SLITRK1: variants seen among roughly 807,000 people sequenced by gnomAD.
SLITRK1 encodes the protein SLIT and NTRK-like protein 1.
A neutral mutation model predicts 42.4 loss-of-function variants in SLITRK1; 10 were observed. That is an observed-to-expected ratio of 0.24 (90% confidence interval 0.15 to 0.40). The LOEUF (loss-of-function observed/expected upper bound fraction) is 0.40. Among genes scored for constraint, SLITRK1 ranks in the 10% least tolerant of loss-of-function variants. SLITRK1 has a pLI of 1.00. For synonymous variants in SLITRK1, 389 were observed against 365.7 expected, an observed-to-expected ratio of 1.06 and a Z score of -0.73; for missense variants, 778 against 848.8, an observed-to-expected ratio of 0.92 and a Z score of 1.04.
Position 83,880,936 on chromosome 13 carries a change from G to T in SLITRK1, c.572C>A (p.Thr191Lys), listed in dbSNP as rs778746061. 1 of 1,613,928 alleles carries T rather than the reference G, an allele frequency of 6.2e-7. No individual in the cohort carries two copies. Reference sequence around the variant, plus strand: ...CTCCAAGACCTCCTCATAGGGCAGCGTTTTCAGCCTGTTACCCCGGAGGTC... The same window carrying T: ...CTCCAAGACCTCCTCATAGGGCAGCTTTTTCAGCCTGTTACCCCGGAGGTC... ...HLDLRGNRLK[T>K]LPYEEVLEQI... The change falls in exon 2 of 2, where the codon ACG (threonine) becomes AAG (lysine). Residue 191 changes from threonine to lysine, a missense_variant. Transcript: ENST00000674365.
In SLITRK1 at chr13:83,879,623, C is replaced by A; in HGVS notation, c.1885G>T (p.Val629Phe). ...VLVPGLLLVF[V>F]TSAFTVVGML... ...CCCACCACGGTGAAGGCGGAGGTGA[C>A]AAACACCAGCAGCAGTCCCGGGACC... Residue 629 changes from valine (V) to phenylalanine (F), a missense_variant, in exon 2 of 2, where the codon GTC becomes TTC. Val to Phe is a conservative substitution (Grantham distance 50). This residue lies in a region of SLITRK1 where 164 missense variants were observed against 158.2 expected (regional missense o/e 1.04). Transcript: ENST00000674365. The A allele has an allele frequency of 6.2e-7, 1 of 1,613,992 alleles. No homozygotes were observed. Among genetic ancestry groups the A allele is most frequent in the Non-Finnish European group, 8.5e-7 (1 of 1,180,008 alleles).
At position 83,877,293 on chromosome 13, in the gene SLITRK1, C is replaced by A. The variant is rs987611212; in HGVS notation, c.*2124G>T. 6.6e-6 allele frequency: 1 copy of A among 152,034 alleles called. No individual in the cohort carries two copies. The highest frequency in any genetic ancestry group is 2.4e-5 in the African/African-American group (1 of 41,386). 9.4% of individuals were successfully genotyped at this position (152,034 alleles called of 1,614,324 possible). A position where few individuals can be genotyped will look rare whatever the true frequency, so the allele number is the denominator to read the frequency against. On this transcript the variant is annotated 3_prime_UTR_variant, in exon 2 of 2. Transcript: ENST00000674365. ...ATCACTGTTCTGAGAAATCACTTCC[C>A]TTTAGAATATGAGTTCTAGATGGCA...
rs1408858140 is a variant in SLITRK1 at position 83,882,423 on chromosome 13, G to C, written c.-473C>G. 1.3e-5 allele frequency: 2 copies of C among 151,974 alleles called. No homozygotes were observed. The highest frequency in any genetic ancestry group is 2.9e-5 in the Non-Finnish European group (2 of 68,074). The allele number at this position is 151,974 out of a possible 1,614,324, so 9.4% of individuals were successfully genotyped here. A position where few individuals can be genotyped will look rare whatever the true frequency, so the allele number is the denominator to read the frequency against. On this transcript the variant is annotated 5_prime_UTR_variant, in exon 1 of 2. Transcript: ENST00000674365. ...TGAGGGGAGGGGGGCGGAGAAGAGA[G>C]TTGCTAAGAAGCTCTGCTCGTTCCA...
chr13:83,880,878 C>G lies in SLITRK1; in HGVS notation c.630G>C (p.Glu210Asp). The G allele has an allele frequency of 6.2e-7, 1 of 1,614,098 alleles. No individual in the cohort carries two copies. The highest frequency in any genetic ancestry group is 1.3e-5 in the African/African-American group (1 of 75,004). The change falls in exon 2 of 2, where the codon GAG (glutamate) becomes GAC (aspartate). Residue 210 changes from glutamate (E) to aspartate (D), a missense_variant. Coordinates refer to ENST00000674365, the MANE Select transcript of SLITRK1 (RefSeq NM_001281503.2). ...CACAGGTGCAGTCCCAAGGGTTATCCTCTAGCAGGATCTCCGCAATACCAG... is the reference window on the plus strand; with the variant it reads ...CACAGGTGCAGTCCCAAGGGTTATCGTCTAGCAGGATCTCCGCAATACCAG... ...QIPGIAEILL[E>D]DNPWDCTCDL...
At position 83,877,538 on chromosome 13, in the gene SLITRK1, A is replaced by T. The variant is rs1278002735; in HGVS notation, c.*1879T>A. 2 of 152,216 alleles carry T rather than the reference A, an allele frequency of 1.3e-5. No homozygotes were observed. The highest frequency in any genetic ancestry group is 3.9e-4 in the East Asian group (2 of 5,190). 9.4% of individuals were successfully genotyped at this position (152,216 alleles called of 1,614,324 possible). A position where few individuals can be genotyped will look rare whatever the true frequency, so the allele number is the denominator to read the frequency against. On this transcript the variant is annotated 3_prime_UTR_variant, in exon 2 of 2. Coordinates refer to ENST00000674365, the MANE Select transcript of SLITRK1 (RefSeq NM_001281503.2). ...ATTGAGGCCAGAGTTACATTGGTTCATAAAATTCGAACAGTTGAAGCTGTT... is the reference window on the plus strand; with the variant it reads ...ATTGAGGCCAGAGTTACATTGGTTCTTAAAATTCGAACAGTTGAAGCTGTT...
rs1403550253 is a variant in SLITRK1 at position 83,881,057 on chromosome 13, G to T, written c.451C>A (p.Gln151Lys). ...LLRDIDPGAF[Q>K]DLNKLEVLIL... ...AGCACCTCCAGCTTGTTCAAGTCCT[G>T]GAAGGCCCCCGGGTCTATATCTCGT... Residue 151 changes from glutamine (Q) to lysine (K), a missense_variant, in exon 2 of 2, where the codon CAG becomes AAG. Gln to Lys is a moderately conservative substitution (Grantham distance 53). Around this residue, in one of 4 missense-constraint regions of SLITRK1, gnomAD observed 204 missense variants for 295.3 expected, o/e 0.69. Coordinates refer to ENST00000674365, the MANE Select transcript of SLITRK1 (RefSeq NM_001281503.2). 1 of 1,613,996 alleles carries T rather than the reference G, an allele frequency of 6.2e-7. No individual in the cohort carries two copies. The highest frequency in any genetic ancestry group is 2.2e-5 in the East Asian group (1 of 44,848).
rs765303951 is a variant in SLITRK1, at chr13:83,880,864, T to G, written c.644A>C (p.Asp215Ala). ...AEILLEDNPW[D>A]CTCDLLSLKE... ...CAGGGAGAGCAGATCACAGGTGCAG[T>G]CCCAAGGGTTATCCTCTAGCAGGAT... Residue 215 changes from aspartate to alanine, a missense_variant, in exon 2 of 2, where the codon GAC becomes GCC. Asp to Ala is a moderately radical substitution (Grantham distance 126). Transcript: ENST00000674365. 6.2e-7 allele frequency: 1 copy of G among 1,614,092 alleles called. No homozygotes were observed. The highest frequency in any genetic ancestry group is 8.5e-7 in the Non-Finnish European group (1 of 1,180,012).
At position 83,881,777 on chromosome 13, in the gene SLITRK1, A is replaced by G. The variant is rs74099450; in HGVS notation, c.-53-217T>C. 1,715 of 429,496 alleles carry G rather than the reference A, an allele frequency of 4.0e-3. 26 individuals carry two copies. The highest frequency in any genetic ancestry group is 0.032 in the African/African-American group (1,545 of 48,314). The allele number at this position is 429,496 out of a possible 1,614,324, so 26.6% of individuals were successfully genotyped here. ...AAAAAAAAAAAAAAAAAAAAGTAGG[A>G]AAAAAACCCCACTCCCCCACAACAC... On this transcript the variant is annotated intron_variant, in intron 1 of 1. Transcript: ENST00000674365.
Position 83,879,602 on chromosome 13 carries a change from C to T in SLITRK1, c.1906G>A (p.Val636Met). The change falls in exon 2 of 2, where the codon GTG becomes ATG. Residue 636 changes from valine to methionine, a missense_variant. Val to Met is a conservative substitution (Grantham distance 21). This residue lies in a region of SLITRK1 where 164 missense variants were observed against 158.2 expected (regional missense o/e 1.04). Coordinates refer to ENST00000674365, the MANE Select transcript of SLITRK1 (RefSeq NM_001281503.2). ...CTCAGGATAAACACGAGCATGCCCA[C>T]CACGGTGAAGGCGGAGGTGACAAAC... is the stretch of plus-strand genomic sequence containing the variant. ...LVFVTSAFTV[V>M]GMLVFILRNR... 1.9e-6 allele frequency: 3 copies of T among 1,614,024 alleles called. No individual in the cohort carries two copies. Among genetic ancestry groups the T allele is most frequent in the Non-Finnish European group, 2.5e-6 (3 of 1,180,016 alleles).
Position 83,879,579 on chromosome 13 carries a change from C to T in SLITRK1, c.1929G>A (p.Leu643=). The change falls in exon 2 of 2, where the codon CTG becomes CTA. Residue 643 remains leucine (L), a synonymous_variant. Coordinates refer to ENST00000674365, the MANE Select transcript of SLITRK1 (RefSeq NM_001281503.2). ...GTCTCTTGGACCGCTTTCGGTTCCTCAGGATAAACACGAGCATGCCCACCA... is the reference window on the plus strand; with the variant it reads ...GTCTCTTGGACCGCTTTCGGTTCCTTAGGATAAACACGAGCATGCCCACCA... ...FTVVGMLVFI[L]RNRKRSKRRD... is the part of the protein sequence containing the mutation. The T allele has an allele frequency of 6.2e-7, 1 of 1,614,022 alleles. No homozygotes were observed. Among genetic ancestry groups the T allele is most frequent in the Non-Finnish European group, 8.5e-7 (1 of 1,180,020 alleles).
chr13:83,879,766 A>T lies in SLITRK1; in HGVS notation c.1742T>A (p.Leu581Gln), dbSNP rs147379549. ...LLSNDEICPQ[L>Q]YARISPTLTS... is the part of the protein sequence containing the mutation. ...TAACGTGGGCGAGATCCTAGCGTAC[A>T]GCTGAGGGCAGATCTCGTCATTGGA... is the stretch of plus-strand genomic sequence containing the variant. Residue 581 changes from leucine to glutamine, a missense_variant, in exon 2 of 2, where the codon CTG (leucine) becomes CAG (glutamine). By Grantham distance (113) the Leu-to-Gln change is moderately radical (BLOSUM62 -2). Transcript: ENST00000674365. 9.3e-6 allele frequency: 15 copies of T among 1,613,938 alleles called. No individual in the cohort carries two copies. The highest frequency in any genetic ancestry group is 7.6e-6 in the Non-Finnish European group (9 of 1,180,022).
chr13:83,880,100 T>A lies in SLITRK1; in HGVS notation c.1408A>T (p.Met470Leu). The A allele has an allele frequency of 6.2e-7, 1 of 1,613,994 alleles. No homozygotes were observed. The highest frequency in any genetic ancestry group is 1.1e-5 in the South Asian group (1 of 91,070). The change falls in exon 2 of 2, where the codon ATG becomes TTG. Residue 470 changes from methionine (M) to leucine (L), a missense_variant. Around this residue, in one of 4 missense-constraint regions of SLITRK1, gnomAD observed 395 missense variants for 360.4 expected, o/e 1.10. Transcript: ENST00000674365. ...AGAATGAGGATCCTCAGTTTGGGCA[T>A]GGCATTGAAAGTGCCCGGGAGGATG... The part of the protein sequence containing the change: ...QLILPGTFNA[M>L]PKLRILILNN...
chr13:83,879,350 C>T lies in SLITRK1; in HGVS notation c.*67G>A, dbSNP rs568619249. On this transcript the variant is annotated 3_prime_UTR_variant, in exon 2 of 2. Transcript: ENST00000674365. Reference sequence around the variant, plus strand: ...ATTTGGGTACACGCCCCTCCAGCCCCCGGGGTGCCTGCGGTGGGGAAGGAT... The same window carrying T: ...ATTTGGGTACACGCCCCTCCAGCCCTCGGGGTGCCTGCGGTGGGGAAGGAT... 1.1e-4 allele frequency: 177 copies of T among 1,597,532 alleles called. No individual in the cohort carries two copies. The highest frequency in any genetic ancestry group is 2.2e-4 in the Middle Eastern group (1 of 4,524).
rs1055256960 is a variant in SLITRK1 at position 83,877,686 on chromosome 13, CG to C, written c.*1730del. 1 of 918 alleles carries C rather than the reference CG, an allele frequency of 1.1e-3. No individual in the cohort carries two copies. Among genetic ancestry groups the C allele is most frequent in the African/African-American group, 7.4e-3 (1 of 136 alleles). 0.1% of individuals were successfully genotyped at this position (918 alleles called of 1,614,324 possible). On this transcript the variant is annotated 3_prime_UTR_variant, in exon 2 of 2. Transcript: ENST00000674365. ...AAATTTCAATATGCAGTTGCTGGGG[CG>C]GGGAGGGTGGGTGGGCACTAATTAG...
chr13:83,881,851 G>A lies in SLITRK1; in HGVS notation c.-54+153C>T, dbSNP rs774686146. ...TTAAATATATACATATAAATTAAAA[G>A]TACACCCTTACAGAATCTCATCTAC... On this transcript the variant is annotated intron_variant, in intron 1 of 1. Coordinates refer to ENST00000674365, the MANE Select transcript of SLITRK1 (RefSeq NM_001281503.2). 22 of 254,620 alleles carry A rather than the reference G, an allele frequency of 8.6e-5. No homozygotes were observed. The highest frequency in any genetic ancestry group is 1.6e-4 in the Non-Finnish European group (20 of 125,098). 15.8% of individuals were successfully genotyped at this position (254,620 alleles called of 1,614,324 possible). A position where few individuals can be genotyped will look rare whatever the true frequency, so the allele number is the denominator to read the frequency against.
rs749683191 is a variant in SLITRK1, at chr13:83,880,079, T to C, written c.1429A>G (p.Ile477Val). 3 of 1,613,938 alleles carry C rather than the reference T, an allele frequency of 1.9e-6. No homozygotes were observed. The highest frequency in any genetic ancestry group is 1.7e-5 in the Admixed American group (1 of 59,994). ...FNAMPKLRIL[I>V]LNNNLLRSLP... Reference sequence around the variant, plus strand: ...GACCTCAGCAGGTTGTTGTTGAGAATGAGGATCCTCAGTTTGGGCATGGCA... The same window carrying C: ...GACCTCAGCAGGTTGTTGTTGAGAACGAGGATCCTCAGTTTGGGCATGGCA... The change falls in exon 2 of 2, where the codon ATT becomes GTT. Residue 477 changes from isoleucine to valine, a missense_variant. Physicochemically the swap from Ile to Val is conservative, Grantham distance 29 (BLOSUM62 3). This residue lies in a region of SLITRK1 where 395 missense variants were observed against 360.4 expected (regional missense o/e 1.10). Transcript: ENST00000674365.
Position 83,877,376 on chromosome 13 carries a change from A to G in SLITRK1, c.*2041T>C, listed in dbSNP as rs899456412. 1.3e-5 allele frequency: 2 copies of G among 151,914 alleles called. No individual in the cohort carries two copies. The highest frequency in any genetic ancestry group is 6.6e-5 in the Admixed American group (1 of 15,236). 9.4% of individuals were successfully genotyped at this position (151,914 alleles called of 1,614,324 possible). On this transcript the variant is annotated 3_prime_UTR_variant, in exon 2 of 2. Transcript: ENST00000674365. ...TAGCTGATTTATAATCCTATATTAA[A>G]AAAAAATCTATAGTCTGCAGTCTTT...
Position 83,877,458 on chromosome 13 carries a change from G to C in SLITRK1, c.*1959C>G, listed in dbSNP as rs1884714439. On this transcript the variant is annotated 3_prime_UTR_variant, in exon 2 of 2. Coordinates refer to ENST00000674365, the MANE Select transcript of SLITRK1 (RefSeq NM_001281503.2). ...GAATGCAGACTCCATCAATATGTGT[G>C]GTTTTGTTTGCTTTTTGTAGCTTAA... 6.6e-6 allele frequency: 1 copy of C among 152,070 alleles called. No homozygotes were observed. Among genetic ancestry groups the C allele is most frequent in the South Asian group, 2.1e-4 (1 of 4,826 alleles). 9.4% of individuals were successfully genotyped at this position (152,070 alleles called of 1,614,324 possible).
Position 83,882,339 on chromosome 13 carries a change from C to G in SLITRK1, c.-389G>C, listed in dbSNP as rs1194081730. 1 of 109,554 alleles carries G rather than the reference C, an allele frequency of 9.1e-6. No homozygotes were observed. The highest frequency in any genetic ancestry group is 2.9e-4 in the East Asian group (1 of 3,446). 6.8% of individuals were successfully genotyped at this position (109,554 alleles called of 1,614,324 possible). On this transcript the variant is annotated 5_prime_UTR_variant, in exon 1 of 2. Coordinates refer to ENST00000674365, the MANE Select transcript of SLITRK1 (RefSeq NM_001281503.2). ...TCTTTCTTCTGCTCTTTCGGAATTA[C>G]GTGGAGGGGGGCGGAGGGCGGGGGG...
Sources: allele counts gnomAD v4.1 joint callset, GRCh38; gene constraint gnomAD v4.1.1; regional missense constraint gnomAD v4.1.1; transcripts MANE v1.5; gene names NCBI Gene and HGNC (gene_info 2026-07-23, HGNC 2026-07-21).